The following LMBRD1 variants were observed in gnomAD, a reference collection of about 807,000 sequenced individuals.
LMBRD1 encodes LMBR1 domain containing 1, also known as lysosomal cobalamin transport escort protein LMBD1.
A neutral mutation model predicts 74.8 loss-of-function variants in LMBRD1; 64 were observed. The ratio of observed to expected loss-of-function variants is 0.86; its 90% CI spans 0.70 to 1.05. The LOEUF is 1.05. Ranked by LOEUF, LMBRD1 falls within the 50% of genes least tolerant of loss-of-function variation. The probability of loss-of-function intolerance (pLI) is 0.00; values close to 1 mark genes in which losing one functional copy is unlikely to be tolerated. For missense variants in LMBRD1, 652 were observed against 645.9 expected (o/e 1.01, Z -0.10); for synonymous variants, 204 against 216.3 (o/e 0.94, Z 0.50).
At position 69,796,774 on chromosome 6, in the gene LMBRD1, C is replaced by T. The variant is rs753288871; in HGVS notation, c.69+39G>A. On this transcript the variant is annotated intron_variant, in intron 1 of 15. Coordinates refer to ENST00000649934, the MANE Select transcript of LMBRD1 (RefSeq NM_018368.4). ...AGGGCCTGCCCCTCCCTTCCTCCCC[C>T]AGTCCAAACATGGGGAAAACTCCAA... 5.0e-6 allele frequency: 8 copies of T among 1,594,772 alleles called. No homozygotes were observed. In the South Asian group the frequency reaches 7.8e-5, roughly 15 times the overall value.
intron 3 of LMBRD1, among the ~76,000 whole-genome samples, chr6:69,764,245 G>A (rs1364116050): frequency 6.6e-6 from 1 of 152,124 alleles, no homozygotes; most frequent in African/African-American, 2.4e-5. Context: ...GTTCAGATGA[G>A]GGCATGATGT....
chr6:69,755,810 G>A (rs1299001364), intron 3 of LMBRD1, among the ~76,000 whole-genome samples: 4 of 152,170 alleles, frequency 2.6e-5, no homozygotes. Flanking sequence ...GATAGGTGGA[G>A]TAAGATTTAG....
intron 3 of LMBRD1, among the ~76,000 whole-genome samples, chr6:69,771,663 A>G (rs1482741469): frequency 6.6e-6 from 1 of 151,272 alleles, no homozygotes; most frequent in Non-Finnish European, 1.5e-5. Context: ...GTCAGATCAC[A>G]TAAGGCCCTG....
intron 14 of LMBRD1, among the ~76,000 whole-genome samples, chr6:69,684,440 T>C (rs1293040599): frequency 2.0e-5 from 3 of 151,914 alleles, no homozygotes; most frequent in Non-Finnish European, 4.4e-5. Flanking sequence ...TAAACTGGCA[T>C]TAGATTTCTT....
At chr6:69,755,728 GA>G (rs1320159726) in intron 3 of LMBRD1, among the ~76,000 whole-genome samples, 1 of 151,430 alleles carries the variant, frequency 6.6e-6, no homozygotes, top group Admixed American at 6.6e-5. Flanking sequence ...GTGTAAACTA[GA>G]AAAAAAAGTG....
At chr6:69,714,606 G>GAT (rs2149853687) in intron 8 of LMBRD1, among the ~76,000 whole-genome samples, 1 of 152,230 alleles carries the variant, frequency 6.6e-6, no homozygotes, top group African/African-American at 2.4e-5. Flanking sequence ...TTAAAGTGTA[G>GAT]ATATATTAGG....
intron 2 of LMBRD1, among the ~76,000 whole-genome samples, chr6:69,781,951 G>C (rs1765841757): frequency 1.3e-5 from 2 of 152,006 alleles, no homozygotes; most frequent in Non-Finnish European, 2.9e-5. Context: ...ATTTGAAAAA[G>C]ACCAACAAGA....
chr6:69,795,420 T>C (rs555083603), intron 1 of LMBRD1, among the ~76,000 whole-genome samples: 1 of 152,362 alleles, frequency 6.6e-6, no homozygotes, highest in Admixed American at 6.5e-5. Flanking sequence ...ATTTCAGTTT[T>C]CTCACTTATC....
chr6:69,709,154 A>C (rs1766327475), intron 9 of LMBRD1, among the ~76,000 whole-genome samples: 2 of 152,022 alleles, frequency 1.3e-5, no homozygotes, highest in African/African-American at 4.8e-5. Flanking sequence ...GAATCGCTTG[A>C]ACCTGGGAGG....
At chr6:69,790,529 TG>T in intron 1 of LMBRD1, 57 bp from the exon 2 acceptor site, 1 of 1,552,220 alleles carries the variant, frequency 6.4e-7, no homozygotes. Flanking sequence ...CTCTGATTTT[TG>T]TATGTGTTTG....
chr6:69,720,873 G>A (rs1328477986), intron 7 of LMBRD1, among the ~76,000 whole-genome samples: 3 of 152,198 alleles, frequency 2.0e-5, no homozygotes, highest in East Asian at 1.9e-4. Flanking sequence ...CCACCCCTCC[G>A]CCATCCCCCA....
chr6:69,679,563 A>C (rs1471010497), intron 14 of LMBRD1, among the ~76,000 whole-genome samples: 1 of 152,146 alleles, frequency 6.6e-6, no homozygotes, highest in Non-Finnish European at 1.5e-5. Context: ...ATATTAATTA[A>C]ATAGCCCATT....
intron 7 of LMBRD1, among the ~76,000 whole-genome samples, chr6:69,727,723 T>G (rs544591909): frequency 6.6e-6 from 1 of 151,076 alleles, no homozygotes; most frequent in Non-Finnish European, 1.5e-5. Flanking sequence ...TCGTTTATAT[T>G]TTTAATATTA....
At chr6:69,781,930 G>A (rs943778324) in intron 2 of LMBRD1, among the ~76,000 whole-genome samples, 10 of 152,148 alleles carry the variant, frequency 6.6e-5, no homozygotes, top group Admixed American at 2.6e-4. Flanking sequence ...ACAAGCTAGG[G>A]CCAGAAATAA....
chr6:69,744,758 A>C (rs1767181044), intron 5 of LMBRD1, among the ~76,000 whole-genome samples: 1 of 152,104 alleles, frequency 6.6e-6, no homozygotes, highest in South Asian at 2.1e-4. Flanking sequence ...ATGGCTACTT[A>C]ACTGATCTTC....
chr6:69,749,452 T>A, intron 4 of LMBRD1, 44 bp from the exon 5 acceptor site: 1 of 1,409,646 alleles, frequency 7.1e-7, no homozygotes, highest in Non-Finnish European at 1.0e-6. Flanking sequence ...GCAAGCCCTT[T>A]AAAATATAAA....
chr6:69,710,847 C>A (rs1766366918), intron 9 of LMBRD1, among the ~76,000 whole-genome samples: 1 of 152,128 alleles, frequency 6.6e-6, no homozygotes, highest in Non-Finnish European at 1.5e-5. Flanking sequence ...TGGGCAATCT[C>A]TTATTGCTGT....
At chr6:69,748,053 ATTC>A (rs1765032990) in intron 5 of LMBRD1, among the ~76,000 whole-genome samples, 1 of 152,312 alleles carries the variant, frequency 6.6e-6, no homozygotes, top group South Asian at 2.1e-4. Flanking sequence ...TTTATTGATG[ATTC>A]TCACTCATGT....
chr6:69,748,323 A>T (rs1369109632), intron 5 of LMBRD1, among the ~76,000 whole-genome samples: 2 of 152,090 alleles, frequency 1.3e-5, no homozygotes, highest in East Asian at 1.9e-4. Context: ...ACATAAGTAG[A>T]TTTGGCTTTC....
Sources: allele counts gnomAD v4.1 joint callset (sites outside exome capture counted in the v4.1 genomes callset), GRCh38; gene constraint gnomAD v4.1.1; transcripts MANE v1.5; gene names NCBI Gene and HGNC (gene_info 2026-07-23, HGNC 2026-07-21).